The following EEFSEC variants were observed in gnomAD, a reference collection of about 807,000 sequenced individuals.
EEFSEC encodes selenocysteine-specific elongation factor.
Under a neutral mutation model 42.1 loss-of-function variants are expected in EEFSEC, and 43 were observed. The ratio of observed to expected loss-of-function variants is 1.02; its 90% CI spans 0.80 to 1.32. The LOEUF (loss-of-function observed/expected upper bound fraction) is 1.32. EEFSEC is among the 40% of genes most tolerant of loss of function. EEFSEC has a pLI of 0.00. For synonymous variants in EEFSEC, 354 were observed against 339.1 expected (o/e 1.04, Z -0.48); for missense variants, 745 against 803.6 (o/e 0.93, Z 0.88).
chr3:128,304,176 C>T (rs2066801986), intron 4 of EEFSEC, among the ~76,000 whole-genome samples: 2 of 150,300 alleles, frequency 1.3e-5, no homozygotes, highest in African/African-American at 2.4e-5. Context: ...GTGCATTTTT[C>T]AGATGAACTT....
intron 4 of EEFSEC, among the ~76,000 whole-genome samples, chr3:128,282,519 C>T (rs973589350): frequency 2.0e-5 from 3 of 152,232 alleles, no homozygotes; most frequent in Non-Finnish European, 4.4e-5. Context: ...CATGTTGACA[C>T]GCACTGGAGC....
rs2067481343 is a variant in EEFSEC, at chr3:128,358,270, C to A, written c.1497C>A (p.Asn499Lys). ...IGRSLFKKET[N>K]IQLFVGLKVH... ...GCTCCCTGTTCAAAAAGGAAACCAA[C>A]ATCCAGCTCTTCGTGGGGCTCAAGG... The change falls in exon 6 of 7, where the codon AAC becomes AAA. Residue 499 changes from asparagine to lysine, a missense_variant. Coordinates refer to ENST00000254730, the MANE Select transcript of EEFSEC (RefSeq NM_021937.5). 7 of 1,614,126 alleles carry A rather than the reference C, an allele frequency of 4.3e-6. No individual in the cohort carries two copies. The highest frequency in any genetic ancestry group is 5.9e-6 in the Non-Finnish European group (7 of 1,180,044).
chr3:128,397,450 C>T (rs2067994517), intron 6 of EEFSEC, among the ~76,000 whole-genome samples: 1 of 152,200 alleles, frequency 6.6e-6, no homozygotes, highest in South Asian at 2.1e-4. Flanking sequence ...CAGCCCCTGG[C>T]TGAGTGGGAG....
At chr3:128,287,570 C>A (rs904880909) in intron 4 of EEFSEC, among the ~76,000 whole-genome samples, 2 of 152,190 alleles carry the variant, frequency 1.3e-5, no homozygotes, top group African/African-American at 4.8e-5. Context: ...ATGTGATGAG[C>A]TGTAGTTTGA....
intron 1 of EEFSEC, among the ~76,000 whole-genome samples, chr3:128,158,894 T>C (rs1576505282): frequency 6.6e-6 from 1 of 152,236 alleles, no homozygotes; most frequent in East Asian, 1.9e-4. Context: ...CCCTGAAGAA[T>C]TTGGCAAGTT....
At chr3:128,234,517 G>A (rs2065988997) in intron 1 of EEFSEC, among the ~76,000 whole-genome samples, 1 of 152,174 alleles carries the variant, frequency 6.6e-6, no homozygotes, top group Non-Finnish European at 1.5e-5. Context: ...CAGAGACTTA[G>A]GAGTTGCTCT....
intron 1 of EEFSEC, among the ~76,000 whole-genome samples, chr3:128,189,667 C>T (rs1332198602): frequency 6.6e-6 from 1 of 151,896 alleles, no homozygotes; most frequent in African/African-American, 2.4e-5. Context: ...AAGCGATCCT[C>T]CCACCTCAGC....
At chr3:128,286,889 T>G (rs562754645) in intron 4 of EEFSEC, among the ~76,000 whole-genome samples, 1 of 152,362 alleles carries the variant, frequency 6.6e-6, no homozygotes, top group South Asian at 2.1e-4. Flanking sequence ...GAACATGAGC[T>G]CATGCTCTGT....
At chr3:128,409,738 C>T (rs535087329), downstream of EEFSEC, among the ~76,000 whole-genome samples, 24 of 152,338 alleles carry the variant, frequency 1.6e-4, no homozygotes, top group African/African-American at 5.3e-4. Flanking sequence ...CCGACTCCCC[C>T]TCTACTGCCG....
At chr3:128,169,192 C>G (rs1408617447) in intron 1 of EEFSEC, among the ~76,000 whole-genome samples, 1 of 152,188 alleles carries the variant, frequency 6.6e-6, no homozygotes, top group Non-Finnish European at 1.5e-5. Context: ...CCAGGGAAGG[C>G]CTTTCTGAAG....
rs1464504713 is a variant in EEFSEC at position 128,191,583 on chromosome 3, C to A, written c.316+37760C>A. Among the ~76,000 whole-genome samples the A allele has an allele frequency of 3.9e-5, 6 of 152,256 alleles. No individual in the cohort carries two copies. The East Asian group carries it at 1.2e-3, about 29-fold the overall frequency. On this transcript the variant is annotated intron_variant, in intron 1 of 6. Coordinates refer to ENST00000254730, the MANE Select transcript of EEFSEC (RefSeq NM_021937.5). ...TATTATTTCTAACTTTCCATCACCC[C>A]AAACTGAAACTCTGTACCCATTAAA...
chr3:128,235,528 AT>A (rs2065999583), intron 1 of EEFSEC, among the ~76,000 whole-genome samples: 1 of 152,018 alleles, frequency 6.6e-6, no homozygotes, highest in Admixed American at 6.5e-5. Flanking sequence ...TGCTATAACC[AT>A]TTTCTTCTAA....
chr3:128,416,657 A>C, the EEFSEC span, among the ~76,000 whole-genome samples: 17 of 152,040 alleles, frequency 1.1e-4, no homozygotes, highest in Non-Finnish European at 2.1e-4. Flanking sequence ...GGGGCCTAGC[A>C]TGTCATGGGG....
rs2066306553 is a variant in EEFSEC, at chr3:128,262,278, G to A, written c.621+54G>A. 3.3e-6 allele frequency: 5 copies of A among 1,496,658 alleles called. No homozygotes were observed. The South Asian group carries it at 5.7e-5, about 17-fold the overall frequency. 92.7% of individuals were successfully genotyped at this position (1,496,658 alleles called of 1,614,324 possible). A position where few individuals can be genotyped will look rare whatever the true frequency, so the allele number is the denominator to read the frequency against. On this transcript the variant is annotated intron_variant, in intron 3 of 6. Transcript: ENST00000254730. ...TTTAGCCCCAGCGCTGCTCAGGCCA[G>A]CCCCTTTGTGTCCCTCTCTCCCCTG...
At chr3:128,193,960 G>A (rs963219493) in intron 1 of EEFSEC, among the ~76,000 whole-genome samples, 2 of 151,752 alleles carry the variant, frequency 1.3e-5, no homozygotes, top group East Asian at 3.9e-4. Flanking sequence ...TTCTGTGCAA[G>A]TAAAATCTTA....
chr3:128,351,589 A>G (rs969535181), intron 5 of EEFSEC, among the ~76,000 whole-genome samples: 2 of 152,178 alleles, frequency 1.3e-5, no homozygotes, highest in Non-Finnish European at 2.9e-5. Context: ...CACTTCTACA[A>G]TTTGAATTAG....
chr3:128,173,772 T>C (rs1017214462), intron 1 of EEFSEC, among the ~76,000 whole-genome samples: 5 of 152,236 alleles, frequency 3.3e-5, no homozygotes, highest in South Asian at 2.1e-4. Context: ...CACAAACTTC[T>C]TCACTTTTGC....
At chr3:128,283,254 A>T (rs1173197443) in intron 4 of EEFSEC, among the ~76,000 whole-genome samples, 1 of 151,612 alleles carries the variant, frequency 6.6e-6, no homozygotes, top group Non-Finnish European at 1.5e-5. Context: ...ATACTGATTC[A>T]GCTCCAGGTC....
At chr3:128,262,425 G>A (rs2066308460) in intron 3 of EEFSEC, among the ~76,000 whole-genome samples, 1 of 152,162 alleles carries the variant, frequency 6.6e-6, no homozygotes, top group Non-Finnish European at 1.5e-5. Flanking sequence ...GGACTCCTAA[G>A]GTTCACTGAA....
Sources: gnomAD v4.1 joint callset for allele counts (sites outside exome capture counted in the v4.1 genomes callset) on GRCh38, gnomAD v4.1.1 for gene constraint, MANE v1.5 for transcripts, NCBI Gene and HGNC (gene_info 2026-07-23, HGNC 2026-07-21) for gene names.